FZD3: variants seen among roughly 807,000 people sequenced by gnomAD.
FZD3 encodes frizzled class receptor 3, also known as frizzled-3.
A neutral mutation model predicts 60.7 loss-of-function variants in FZD3; 30 were observed. The ratio of observed to expected loss-of-function variants is 0.49; its 90% CI spans 0.37 to 0.67. The LOEUF is 0.67. Among genes scored for constraint, FZD3 ranks in the 30% least tolerant of loss-of-function variants. The pLI is 0.00. For missense variants in FZD3, 605 were observed against 838.7 expected (o/e 0.72, Z 3.44); for synonymous variants, 246 against 275.2 (o/e 0.89, Z 1.05).
rs1804038525 is a variant in FZD3 at position 28,503,026 on chromosome 8, T to C, written c.13T>C (p.Trp5Arg). The C allele has an allele frequency of 6.2e-7, 1 of 1,612,532 alleles. No individual in the cohort carries two copies. The highest frequency in any genetic ancestry group is 1.3e-5 in the African/African-American group (1 of 74,904). The change falls in exon 3 of 8, where the codon TGG (tryptophan) becomes CGG (arginine). Residue 5 changes from tryptophan (W) to arginine (R), a missense_variant. Trp to Arg is a moderately radical substitution (Grantham distance 101). Transcript: ENST00000240093. ...AGACCCAGGAAGGATGGCTATGACT[T>C]GGATTGTCTTCTCTCTTTGGCCCTT... Reference protein sequence around the residue: MAMTWIVFSLWPLTV... With the variant: MAMTRIVFSLWPLTV...
chr8:28,507,025 CATAA>C (rs1436529582), intron 3 of FZD3, among the ~76,000 whole-genome samples: 1 of 152,114 alleles, frequency 6.6e-6, no homozygotes, highest in African/African-American at 2.4e-5. Flanking sequence ...AAATTTCATC[CATAA>C]ATATTTTGTT....
In FZD3 at chr8:28,564,651, G is replaced by A. The variant is rs924227880; in HGVS notation, c.*1640G>A. ...AAATTCTGGGCTGTACTCCTAGAGA[G>A]ACTTACTCAGTAAGGCCAAAGTGAT... is the stretch of plus-strand genomic sequence containing the variant. On this transcript the variant is annotated 3_prime_UTR_variant, in exon 8 of 8. Coordinates refer to ENST00000240093, the MANE Select transcript of FZD3 (RefSeq NM_017412.4). 2 of 152,120 alleles carry A rather than the reference G, an allele frequency of 1.3e-5. No individual in the cohort carries two copies. The highest frequency in any genetic ancestry group is 4.8e-5 in the African/African-American group (2 of 41,430). 9.4% of individuals were successfully genotyped at this position (152,120 alleles called of 1,614,324 possible).
chr8:28,558,850 G>T (rs1425509902), intron 7 of FZD3, among the ~76,000 whole-genome samples: 1 of 152,156 alleles, frequency 6.6e-6, no homozygotes, highest in Non-Finnish European at 1.5e-5. Context: ...ATGCATTCTA[G>T]GAGCATATAA....
intron 3 of FZD3, among the ~76,000 whole-genome samples, chr8:28,505,614 A>G (rs751090416): frequency 6.6e-6 from 1 of 152,196 alleles, no homozygotes; most frequent in Non-Finnish European, 1.5e-5. Context: ...GGCCTCCCAA[A>G]GTGCTGGATT....
intron 5 of FZD3, among the ~76,000 whole-genome samples, chr8:28,543,154 C>G (rs867426603): frequency 4.6e-5 from 7 of 152,328 alleles, no homozygotes; most frequent in African/African-American, 1.2e-4. Context: ...CTGCAATCAA[C>G]TCTGATTAGC....
chr8:28,530,268 TC>T, intron 5 of FZD3: 1 of 152,252 alleles, frequency 6.6e-6, no homozygotes, highest in Middle Eastern at 3.4e-3. Flanking sequence ...TTTCTTACTT[TC>T]ATTAATTACT....
intron 4 of FZD3, among the ~76,000 whole-genome samples, chr8:28,522,288 G>T (rs1033241025): frequency 4.6e-5 from 7 of 151,778 alleles, no homozygotes; most frequent in Non-Finnish European, 8.8e-5. Flanking sequence ...AAAAAAAACA[G>T]TGTTATTTAA....
rs562943409 is a variant in FZD3 at position 28,511,662 on chromosome 8, T to G, written c.189+8460T>G. Among the ~76,000 whole-genome samples, 109 of 152,306 alleles carry G rather than the reference T, an allele frequency of 7.2e-4. 1 individual carries two copies. The highest frequency in any genetic ancestry group is 1.3e-3 in the Non-Finnish European group (86 of 68,024). ...TGTAGTATCCCCTTTGGTAATATCT[T>G]AATTTTCAAGGCGTGGTGTGGATGT... On this transcript the variant is annotated intron_variant, in intron 3 of 7. Coordinates refer to ENST00000240093, the MANE Select transcript of FZD3 (RefSeq NM_017412.4).
intron 5 of FZD3, among the ~76,000 whole-genome samples, chr8:28,545,866 A>G (rs1453582756): frequency 6.6e-6 from 1 of 152,244 alleles, no homozygotes. Flanking sequence ...CATGCACCAC[A>G]TAACAATGTT....
intron 5 of FZD3, among the ~76,000 whole-genome samples, chr8:28,534,812 C>G (rs1401044028): frequency 1.3e-5 from 2 of 152,102 alleles, no homozygotes; most frequent in East Asian, 3.9e-4. Context: ...GAATTAAGCA[C>G]CAGTGATGTG....
intron 5 of FZD3, among the ~76,000 whole-genome samples, chr8:28,532,376 A>T (rs887130704): frequency 1.3e-5 from 2 of 152,134 alleles, no homozygotes; most frequent in African/African-American, 4.8e-5. Flanking sequence ...GCTTATTTAC[A>T]TTTTTATTCA....
At chr8:28,506,989 C>G (rs1192123608) in intron 3 of FZD3, among the ~76,000 whole-genome samples, 3 of 152,180 alleles carry the variant, frequency 2.0e-5, no homozygotes, top group Non-Finnish European at 4.4e-5. Context: ...CCTTCTGGGT[C>G]ACCTTGAAAC....
rs375358424 is a variant in FZD3 at position 28,572,832 on chromosome 8, A to T, written c.*9821A>T. 1 of 152,184 alleles carries T rather than the reference A, an allele frequency of 6.6e-6. No individual in the cohort carries two copies. The highest frequency in any genetic ancestry group is 1.5e-5 in the Non-Finnish European group (1 of 68,014). 9.4% of individuals were successfully genotyped at this position (152,184 alleles called of 1,614,324 possible). On this transcript the variant is annotated 3_prime_UTR_variant, in exon 8 of 8. Coordinates refer to ENST00000240093, the MANE Select transcript of FZD3 (RefSeq NM_017412.4). Reference sequence around the variant, plus strand: ...TATAAAAGTATATGAGTTGAAGATCATATAAAAAATATGAAACTCCTACAC... The same window carrying T: ...TATAAAAGTATATGAGTTGAAGATCTTATAAAAAATATGAAACTCCTACAC...
intron 1 of FZD3, among the ~76,000 whole-genome samples, chr8:28,494,713 A>G (rs1368609810): frequency 6.6e-6 from 1 of 151,860 alleles, no homozygotes; most frequent in Non-Finnish European, 1.5e-5. Context: ...GCGAGTGTGG[A>G]CCGCGGTTCG....
rs572832648 is a variant in FZD3, at chr8:28,529,335, C to T, written c.1404+1171C>T. Among the ~76,000 whole-genome samples, 3 of 152,282 alleles carry T rather than the reference C, an allele frequency of 2.0e-5. No homozygotes were observed. In the East Asian group the frequency reaches 5.8e-4, roughly 29 times the overall value. ...TGCACCAGCCACCTTTCCATCTCCT[C>T]CAACCTTTGTTACTCTAATACTTTT... On this transcript the variant is annotated intron_variant, in intron 5 of 7. Coordinates refer to ENST00000240093, the MANE Select transcript of FZD3 (RefSeq NM_017412.4).
In FZD3 at chr8:28,563,036, T is replaced by C. The variant is rs751623005; in HGVS notation, c.*25T>C. ...ATTTGTCTTGTCTAAGGTGGAAATC[T>C]TGTGCTGTTTAAAAAGCAGATTTTA... On this transcript the variant is annotated 3_prime_UTR_variant, in exon 8 of 8. Transcript: ENST00000240093. 6 of 1,520,442 alleles carry C rather than the reference T, an allele frequency of 3.9e-6. 1 individual carries two copies. The highest frequency in any genetic ancestry group is 2.2e-5 in the South Asian group (2 of 89,054). 94.2% of individuals were successfully genotyped at this position (1,520,442 alleles called of 1,614,324 possible). A position where few individuals can be genotyped will look rare whatever the true frequency, so the allele number is the denominator to read the frequency against.
chr8:28,527,001 A>G lies in FZD3; in HGVS notation c.387-146A>G. On this transcript the variant is annotated intron_variant, in intron 4 of 7. Transcript: ENST00000240093. The surrounding 1 kb of genome is among the most constrained non-coding windows in gnomAD (Gnocchi z 5.0). ...TAGTTGTATGGACCACAAACAAGAT[A>G]TCACCATTTACTTTATTTCTACATA... 1 of 737,442 alleles carries G rather than the reference A, an allele frequency of 1.4e-6. No homozygotes were observed. The highest frequency in any genetic ancestry group is 2.2e-6 in the Non-Finnish European group (1 of 445,972). The allele number at this position is 737,442 out of a possible 1,614,324, so 45.7% of individuals were successfully genotyped here. A position where few individuals can be genotyped will look rare whatever the true frequency, so the allele number is the denominator to read the frequency against.
chr8:28,520,759 AGCGGGCTTACAGTG>A lies in FZD3; in HGVS notation c.312_325del (p.Arg105ValfsTer14). 1 of 1,613,022 alleles carries A rather than the reference AGCGGGCTTACAGTG, an allele frequency of 6.2e-7. No individual in the cohort carries two copies. The highest frequency in any genetic ancestry group is 8.5e-7 in the Non-Finnish European group (1 of 1,179,402). ...ACACTTCCCTGTCGTAGGCTGTGTC[AGCGGGCTTACAGTG>A]AGTGTTCGAAGCTCATGGAGATGTT... On this transcript the variant is annotated frameshift_variant, in exon 4 of 8. Coordinates refer to ENST00000240093, the MANE Select transcript of FZD3 (RefSeq NM_017412.4). LOFTEE classifies it high-confidence loss of function.
Position 28,527,837 on chromosome 8 carries a change from C to T in FZD3, c.1077C>T (p.Gly359=), listed in dbSNP as rs371916844. 3.1e-6 allele frequency: 5 copies of T among 1,613,774 alleles called. No individual in the cohort carries two copies. The highest frequency in any genetic ancestry group is 2.2e-5 in the East Asian group (1 of 44,892). ...AAATTGAAGGTGACAATATTAGTGGCGTGTGTTTTGTTGGCCTCTACGATG... is the reference window on the plus strand; with the variant it reads ...AAATTGAAGGTGACAATATTAGTGGTGTGTGTTTTGTTGGCCTCTACGATG... ...MNKIEGDNIS[G]VCFVGLYDVD... is the part of the protein sequence containing the mutation. Residue 359 remains glycine, a synonymous_variant, in exon 5 of 8, where the codon GGC becomes GGT. Coordinates refer to ENST00000240093, the MANE Select transcript of FZD3 (RefSeq NM_017412.4). This position sits in a 1 kb window ranked among gnomAD's most constrained non-coding sequence, Gnocchi z 5.0.
Sources: allele counts gnomAD v4.1 joint callset (sites outside exome capture counted in the v4.1 genomes callset), GRCh38; gene constraint gnomAD v4.1.1; non-coding constraint Gnocchi (gnomAD v3.1); transcripts MANE v1.5; gene names NCBI Gene and HGNC (gene_info 2026-07-23, HGNC 2026-07-21).